Variants in GOLM2 observed in about 807,000 individuals in gnomAD.
GOLM2 encodes the protein golgi membrane protein 2, also known as protein GOLM2.
In GOLM2, 26 loss-of-function variants were observed where a neutral mutation model predicts 55.9. The ratio of observed to expected loss-of-function variants is 0.47; its 90% confidence interval spans 0.34 to 0.65. The LOEUF is 0.65. Ranked by LOEUF, GOLM2 falls within the 30% of genes least tolerant of loss-of-function variation. The probability of loss-of-function intolerance (pLI) is 0.01; values close to 1 mark genes in which losing one functional copy is unlikely to be tolerated. For synonymous variants in GOLM2, 165 were observed against 194.6 expected, an observed-to-expected ratio of 0.85 and a Z score of 1.27; for missense variants, 486 against 531.8, an observed-to-expected ratio of 0.91 and a Z score of 0.85.
intron 6 of GOLM2, among the ~76,000 whole-genome samples, chr15:44,349,826 C>T (rs1346255948): frequency 3.3e-5 from 5 of 152,064 alleles, no homozygotes; most frequent in Non-Finnish European, 7.4e-5. Flanking sequence ...AATTATAAAT[C>T]AATAACAAGA....
intron 6 of GOLM2, among the ~76,000 whole-genome samples, chr15:44,378,652 A>G (rs1300191922): frequency 6.6e-6 from 1 of 152,176 alleles, no homozygotes; most frequent in Non-Finnish European, 1.5e-5. Flanking sequence ...AAAATAACAT[A>G]TTCTTAATAC....
At position 44,335,609 on chromosome 15, in the gene GOLM2, T is replaced by C. The variant is rs528056078; in HGVS notation, c.577-2154T>C. ...ACATGCAAGCTGGCTGCTCAGGTTG[T>C]ACCTCATGGATTTTCTCACCCTTGG... On this transcript the variant is annotated intron_variant, in intron 4 of 9. Transcript: ENST00000299957. Among the ~76,000 whole-genome samples the C allele has an allele frequency of 5.3e-5, 8 of 152,324 alleles. No homozygotes were observed. The East Asian group carries it at 1.3e-3, about 26-fold the overall frequency.
At chr15:44,353,122 GAT>G (rs1490536495) in intron 6 of GOLM2, among the ~76,000 whole-genome samples, 1 of 152,130 alleles carries the variant, frequency 6.6e-6, no homozygotes, top group African/African-American at 2.4e-5. Context: ...TGGCAAAGCA[GAT>G]ATATGAAAAA....
intron 1 of GOLM2, among the ~76,000 whole-genome samples, chr15:44,317,704 A>G (rs1389346699): frequency 6.6e-6 from 1 of 152,122 alleles, no homozygotes; most frequent in African/African-American, 2.4e-5. Context: ...CCAACTGCCT[A>G]CTGAAGATCT....
chr15:44,327,773 G>C (rs1289596199), intron 2 of GOLM2, among the ~76,000 whole-genome samples: 2 of 152,110 alleles, frequency 1.3e-5, no homozygotes, highest in African/African-American at 4.8e-5. Context: ...GGTGATTATG[G>C]ATTAAACATT....
chr15:44,384,269 G>T (rs1228057534), intron 8 of GOLM2, among the ~76,000 whole-genome samples: 1 of 151,982 alleles, frequency 6.6e-6, no homozygotes, highest in East Asian at 1.9e-4. Flanking sequence ...CCGCTAATTT[G>T]CTTTTTTCTC....
At chr15:44,342,799 G>A (rs1242946139) in intron 6 of GOLM2, among the ~76,000 whole-genome samples, 1 of 152,094 alleles carries the variant, frequency 6.6e-6, no homozygotes, top group East Asian at 1.9e-4. Flanking sequence ...CATATAGCAG[G>A]GTCCCAGTAA....
chr15:44,332,827 G>C (rs75094646), intron 4 of GOLM2, among the ~76,000 whole-genome samples: 1,680 of 152,152 alleles, frequency 0.011, 18 homozygotes, highest in East Asian at 0.052. Context: ...CTTTTTTTGG[G>C]GGGGGCAAAT....
At chr15:44,332,817 C>G (rs983435562) in intron 4 of GOLM2, among the ~76,000 whole-genome samples, 11 of 151,974 alleles carry the variant, frequency 7.2e-5, no homozygotes, top group Non-Finnish European at 1.0e-4. Flanking sequence ...TTGATTCATA[C>G]TTTTTTTGGG....
intron 1 of GOLM2, among the ~76,000 whole-genome samples, chr15:44,302,687 C>T (rs2078807250): frequency 6.6e-6 from 1 of 151,504 alleles, no homozygotes; most frequent in Admixed American, 6.6e-5. Flanking sequence ...GATGGGGTTT[C>T]ATTGTGTTGC....
intron 6 of GOLM2, among the ~76,000 whole-genome samples, chr15:44,356,995 A>C (rs997001385): frequency 2.0e-5 from 3 of 152,044 alleles, no homozygotes; most frequent in African/African-American, 7.2e-5. Context: ...ACATGGCAAA[A>C]ACCCATCTCT....
Position 44,403,192 on chromosome 15 carries a change from C to T in GOLM2, c.1240+138C>T, listed in dbSNP as rs2079577121. On this transcript the variant is annotated intron_variant, in intron 9 of 9. Coordinates refer to ENST00000299957, the MANE Select transcript of GOLM2 (RefSeq NM_138423.4). ...TTGTTTTTTCTTTGTGACGGAATTT[C>T]GCTTTTGTTGCCCAGGCTGGAGTCC... 1.5e-5 allele frequency: 15 copies of T among 970,822 alleles called. No homozygotes were observed. The Admixed American group carries it at 2.3e-4, about 15-fold the overall frequency. The allele number at this position is 970,822 out of a possible 1,614,324, so 60.1% of individuals were successfully genotyped here.
chr15:44,355,688 A>G (rs941249334), intron 6 of GOLM2: 3 of 208,598 alleles, frequency 1.4e-5, no homozygotes, highest in Non-Finnish European at 3.0e-5. Context: ...GCCTCCAAGG[A>G]ATAACAGCCC....
At chr15:44,405,385 A>G (rs890351640) in intron 9 of GOLM2, 1 of 152,202 alleles carries the variant, frequency 6.6e-6, no homozygotes, top group Non-Finnish European at 1.5e-5. Context: ...TCTAGATGAT[A>G]GTGGCAGGAT....
At chr15:44,299,445 A>C (rs916512993) in intron 1 of GOLM2, among the ~76,000 whole-genome samples, 3 of 151,892 alleles carry the variant, frequency 2.0e-5, no homozygotes, top group Non-Finnish European at 4.4e-5. Flanking sequence ...GGCACGCACC[A>C]CCACACCCAG....
intron 8 of GOLM2, among the ~76,000 whole-genome samples, chr15:44,391,408 T>C (rs1405602863): frequency 6.6e-6 from 1 of 151,624 alleles, no homozygotes; most frequent in Non-Finnish European, 1.5e-5. Flanking sequence ...TCCCAGCTAC[T>C]TGGGAGGCTG....
chr15:44,301,928 C>A (rs1333589454), intron 1 of GOLM2, among the ~76,000 whole-genome samples: 2 of 148,544 alleles, frequency 1.3e-5, no homozygotes, highest in African/African-American at 5.0e-5. Flanking sequence ...AAAAAAAAAA[C>A]TTAGGAGCCA....
chr15:44,382,298 TTTC>T (rs1250361805), intron 8 of GOLM2: 2 of 152,008 alleles, frequency 1.3e-5, no homozygotes, highest in East Asian at 1.9e-4. Context: ...CACTTAAGAT[TTTC>T]TTCTTTTTTT....
In GOLM2 at chr15:44,289,255, A is replaced by T; in HGVS notation, c.226A>T (p.Thr76Ser). The T allele has an allele frequency of 6.2e-7, 1 of 1,614,116 alleles. No homozygotes were observed. The highest frequency in any genetic ancestry group is 8.5e-7 in the Non-Finnish European group (1 of 1,180,008). Reference protein sequence around the residue: ...RNSDLLLLVDTHKKQIDQKEA... With the variant: ...RNSDLLLLVDSHKKQIDQKEA... ...TTCGGACCTCTTGCTGTTGGTGGACACGCACAAGAAACAGATCGACCAGAA... is the reference window on the plus strand; with the variant it reads ...TTCGGACCTCTTGCTGTTGGTGGACTCGCACAAGAAACAGATCGACCAGAA... Residue 76 changes from threonine to serine, a missense_variant, in exon 1 of 10, where the codon ACG becomes TCG. Physicochemically the swap from Thr to Ser is moderately conservative, Grantham distance 58. Transcript: ENST00000299957. The surrounding 1 kb of genome is among the most constrained non-coding windows in gnomAD (Gnocchi z 4.8).
Sources: gnomAD v4.1 joint callset for allele counts (sites outside exome capture counted in the v4.1 genomes callset) on GRCh38, gnomAD v4.1.1 for gene constraint, Gnocchi (gnomAD v3.1) non-coding constraint, MANE v1.5 for transcripts, NCBI Gene and HGNC (gene_info 2026-07-23, HGNC 2026-07-21) for gene names.